The following TENM2 variants were observed in gnomAD, a reference collection of about 807,000 sequenced individuals.
TENM2 encodes teneurin-2.
A neutral mutation model predicts 245.2 loss-of-function variants in TENM2; 52 were observed. That is an observed-to-expected ratio of 0.21 (90% CI 0.17 to 0.27). The LOEUF (loss-of-function observed/expected upper bound fraction) is 0.27. TENM2 is among the 10% of genes least tolerant of loss of function. The probability of loss-of-function intolerance (pLI) is 1.00; values close to 1 mark genes in which losing one functional copy is unlikely to be tolerated. For synonymous variants in TENM2, 1,363 were observed against 1,438.9 expected, an observed-to-expected ratio of 0.95 and a Z score of 1.19; for missense variants, 3,046 against 3,666.8, an observed-to-expected ratio of 0.83 and a Z score of 4.37.
intron 4 of TENM2, among the ~76,000 whole-genome samples, chr5:167,985,417 T>C (rs1440618775): frequency 6.6e-6 from 1 of 152,242 alleles, no homozygotes; most frequent in Non-Finnish European, 1.5e-5. Flanking sequence ...TAACCAGAGT[T>C]GCTTTTTTGC....
intron 1 of TENM2, among the ~76,000 whole-genome samples, chr5:167,352,024 C>G (rs1383993466): frequency 1.3e-5 from 2 of 152,146 alleles, no homozygotes; most frequent in African/African-American, 4.8e-5. Context: ...AGACTGAAGA[C>G]TGGCAACTTA....
At chr5:168,209,035 A>G (rs1762589711) in intron 19 of TENM2, among the ~76,000 whole-genome samples, 1 of 152,180 alleles carries the variant, frequency 6.6e-6, no homozygotes, top group South Asian at 2.1e-4. Context: ...ATCTTTGATC[A>G]TCTTTTAATA....
At chr5:167,212,721 A>G in the TENM2 span, among the ~76,000 whole-genome samples, 4 of 152,204 alleles carry the variant, frequency 2.6e-5, no homozygotes, top group Non-Finnish European at 5.9e-5. Flanking sequence ...CTTTCATTGA[A>G]GGATTTTCCA....
intron 2 of TENM2, among the ~76,000 whole-genome samples, chr5:167,700,371 C>T (rs572381902): frequency 5.0e-4 from 76 of 152,304 alleles, no homozygotes; most frequent in African/African-American, 1.8e-3. Flanking sequence ...CATTATCACT[C>T]GAATCCCCAC....
the TENM2 span, chr5:167,168,262 C>A: frequency 6.6e-6 from 1 of 152,350 alleles, no homozygotes; most frequent in South Asian, 2.1e-4. Flanking sequence ...CGGCTGAGGT[C>A]AAACGTCTCT....
At chr5:167,744,456 G>T (rs1761416941) in intron 2 of TENM2, among the ~76,000 whole-genome samples, 1 of 152,192 alleles carries the variant, frequency 6.6e-6, no homozygotes, top group Admixed American at 6.5e-5. Flanking sequence ...GAACTGCAGT[G>T]AGAGAGGCCA....
chr5:168,207,856 G>A (rs911110842), intron 19 of TENM2, among the ~76,000 whole-genome samples: 1 of 152,078 alleles, frequency 6.6e-6, no homozygotes, highest in African/African-American at 2.4e-5. Flanking sequence ...AAACATGCAG[G>A]GACAAGTTCT....
chr5:167,510,910 G>T (rs1769906615), intron 2 of TENM2, among the ~76,000 whole-genome samples: 1 of 151,454 alleles, frequency 6.6e-6, no homozygotes. Context: ...GTGATGAGAT[G>T]GATTCAAATT....
intron 17 of TENM2, among the ~76,000 whole-genome samples, chr5:168,200,958 A>T (rs1272625934): frequency 1.3e-5 from 2 of 152,210 alleles, no homozygotes; most frequent in African/African-American, 2.4e-5. Context: ...CAACCTCAGA[A>T]ATTTTCACTA....
At chr5:168,017,297 C>T (rs1433708990) in intron 5 of TENM2, among the ~76,000 whole-genome samples, 1 of 152,144 alleles carries the variant, frequency 6.6e-6, no homozygotes, top group East Asian at 1.9e-4. Flanking sequence ...TTTAGAGCAG[C>T]AGCATGAGGA....
chr5:166,996,041 A>T, the TENM2 span, among the ~76,000 whole-genome samples: 5 of 151,978 alleles, frequency 3.3e-5, no homozygotes, highest in African/African-American at 9.7e-5. Context: ...CTTTATAAAG[A>T]TTATCAAAGG....
chr5:168,011,556 T>A (rs1470256465), intron 5 of TENM2, among the ~76,000 whole-genome samples: 2 of 152,244 alleles, frequency 1.3e-5, no homozygotes, highest in African/African-American at 4.8e-5. Context: ...TTTTTTCTTT[T>A]TTACCACTTG....
At chr5:167,204,899 G>C in the TENM2 span, among the ~76,000 whole-genome samples, 1 of 152,158 alleles carries the variant, frequency 6.6e-6, no homozygotes, top group Non-Finnish European at 1.5e-5. Flanking sequence ...AAGAGACTGG[G>C]TTAACTGAAA....
At chr5:168,045,969 C>T (rs1453010712) in intron 5 of TENM2, among the ~76,000 whole-genome samples, 1 of 152,172 alleles carries the variant, frequency 6.6e-6, no homozygotes, top group African/African-American at 2.4e-5. Flanking sequence ...ATGTCACTTA[C>T]TCTTATTACT....
At chr5:167,354,820 A>C (rs1759201153) in intron 1 of TENM2, among the ~76,000 whole-genome samples, 1 of 152,192 alleles carries the variant, frequency 6.6e-6, no homozygotes, top group Non-Finnish European at 1.5e-5. Context: ...ATATTAAGCC[A>C]GAAATGTTTG....
intron 2 of TENM2, among the ~76,000 whole-genome samples, chr5:167,745,687 A>C (rs1439645770): frequency 6.6e-6 from 1 of 152,126 alleles, no homozygotes; most frequent in African/African-American, 2.4e-5. Context: ...CTCTACCCCC[A>C]GTCCTAGCCA....
intron 2 of TENM2, among the ~76,000 whole-genome samples, chr5:167,525,226 T>C (rs1416155539): frequency 1.3e-5 from 2 of 152,190 alleles, no homozygotes; most frequent in East Asian, 1.9e-4. Context: ...CTTAGACTGA[T>C]ACTTTGTGGG....
At chr5:167,150,190 C>G in the TENM2 span, among the ~76,000 whole-genome samples, 1 of 152,230 alleles carries the variant, frequency 6.6e-6, no homozygotes, top group South Asian at 2.1e-4. Flanking sequence ...TACTCTATGG[C>G]CTACTCATTT....
At chr5:168,143,899 G>A (rs1160963608) in intron 12 of TENM2, among the ~76,000 whole-genome samples, 1 of 138,272 alleles carries the variant, frequency 7.2e-6, no homozygotes, top group African/African-American at 2.8e-5. Context: ...TCCCAGGCTG[G>A]AGAGCAGTGG....
Sources: gnomAD v4.1 joint callset for allele counts (sites outside exome capture counted in the v4.1 genomes callset) on GRCh38, gnomAD v4.1.1 for gene constraint, MANE v1.5 for transcripts, NCBI Gene and HGNC (gene_info 2026-07-23, HGNC 2026-07-21) for gene names.